The following BNIP5 variants were observed in gnomAD, a reference collection of about 807,000 sequenced individuals.
BNIP5 encodes protein BNIP5.
A neutral mutation model predicts 67.3 loss-of-function variants in BNIP5; 61 were observed. That is an observed-to-expected ratio of 0.91 (90% CI 0.74 to 1.12). The LOEUF (loss-of-function observed/expected upper bound fraction) is 1.12, where lower values mean the gene tolerates loss of function less well. BNIP5 is among the 50% of genes most tolerant of loss of function. The pLI is 0.00. For synonymous variants in BNIP5, 317 were observed against 319.0 expected, an observed-to-expected ratio of 0.99 and a Z score of 0.07; for missense variants, 826 against 816.3, an observed-to-expected ratio of 1.01 and a Z score of -0.14.
At chr6:36,335,901 C>A (rs548705909) in intron 1 of BNIP5, among the ~76,000 whole-genome samples, 9 of 152,344 alleles carry the variant, frequency 5.9e-5, no homozygotes, top group Non-Finnish European at 1.0e-4. Context: ...CACGCACTTA[C>A]ACATGGACTT....
chr6:36,333,580 C>T lies in BNIP5; in HGVS notation c.-4-2886G>A, dbSNP rs553155466. On this transcript the variant is annotated intron_variant, in intron 1 of 11. Coordinates refer to ENST00000437635, the MANE Select transcript of BNIP5 (RefSeq NM_001010903.5). ...TCTGCACCAGAAATTATGCTCAGTG[C>T]TAGGGATACAATCATGAACAAGATG... 2.6e-5 allele frequency among the ~76,000 whole-genome samples: 4 copies of T among 152,308 alleles called. No individual in the cohort carries two copies. In the South Asian group the frequency reaches 8.3e-4, roughly 32 times the overall value.
intron 10 of BNIP5, among the ~76,000 whole-genome samples, chr6:36,319,977 G>A (rs1291269696): frequency 6.6e-6 from 1 of 152,202 alleles, no homozygotes; most frequent in Non-Finnish European, 1.5e-5. Context: ...CTTACTATGT[G>A]TGTGAGCCTC....
intron 1 of BNIP5, among the ~76,000 whole-genome samples, chr6:36,333,336 G>A (rs536323968): frequency 2.0e-5 from 3 of 152,290 alleles, no homozygotes; most frequent in Admixed American, 6.5e-5. Flanking sequence ...GTTGTTTAAT[G>A]TTCCTTAAAA....
At chr6:36,333,846 C>G (rs942592889) in intron 1 of BNIP5, among the ~76,000 whole-genome samples, 15 of 152,214 alleles carry the variant, frequency 9.9e-5, no homozygotes, top group Non-Finnish European at 1.8e-4. Flanking sequence ...TCTGCATTTT[C>G]CATATGTTCC....
At chr6:36,336,390 G>A (rs775009729) in intron 1 of BNIP5, among the ~76,000 whole-genome samples, 2 of 152,274 alleles carry the variant, frequency 1.3e-5, no homozygotes, top group Middle Eastern at 3.4e-3. Context: ...TGAGGCCCAA[G>A]GAAGTGAAGT....
At chr6:36,333,983 C>G (rs1582138902) in intron 1 of BNIP5, among the ~76,000 whole-genome samples, 1 of 152,224 alleles carries the variant, frequency 6.6e-6, no homozygotes. Flanking sequence ...TGGGACCCAT[C>G]GCACGGAGGA....
At position 36,325,429 on chromosome 6, in the gene BNIP5, G is replaced by T; in HGVS notation, c.1037-15C>A. 1 of 1,602,842 alleles carries T rather than the reference G, an allele frequency of 6.2e-7. No individual in the cohort carries two copies. The highest frequency in any genetic ancestry group is 1.3e-5 in the African/African-American group (1 of 74,256). The stretch of plus-strand genomic sequence containing the variant: ...TTCTTCCAAGCCTGAGAAGCAGAAG[G>T]AGAACGAGGGTGTGTTTTGTCTGTC... On this transcript the variant is annotated splice_polypyrimidine_tract_variant and intron_variant, in intron 5 of 11. Coordinates refer to ENST00000437635, the MANE Select transcript of BNIP5 (RefSeq NM_001010903.5).
Position 36,324,192 on chromosome 6 carries a change from T to C in BNIP5, c.1169-2A>G, listed in dbSNP as rs758927618. The C allele has an allele frequency of 2.5e-6, 4 of 1,613,188 alleles. No homozygotes were observed. The highest frequency in any genetic ancestry group is 3.4e-6 in the Non-Finnish European group (4 of 1,179,290). ...AAATGATCTTCTGAATGAATTCTTC[T>C]GAAAAAGATCAACACGCATGGTTAA... On this transcript the variant is annotated splice_acceptor_variant, in intron 6 of 11. Transcript: ENST00000437635. LOFTEE classifies it high-confidence loss of function.
Position 36,328,583 on chromosome 6 carries a change from G to C in BNIP5, c.727+15C>G. ...TCAGCCACAGGCAAAAAGGTCACTA[G>C]AGATTCCGACTCACGGTCAGGCTTT... On this transcript the variant is annotated intron_variant, in intron 3 of 11. Coordinates refer to ENST00000437635, the MANE Select transcript of BNIP5 (RefSeq NM_001010903.5). 3 of 1,548,288 alleles carry C rather than the reference G, an allele frequency of 1.9e-6. No homozygotes were observed. Among genetic ancestry groups the C allele is most frequent in the Non-Finnish European group, 2.7e-6 (3 of 1,119,918 alleles).
At chr6:36,322,550 C>T in intron 8 of BNIP5, 108 bp from the exon 9 acceptor site, 1 of 1,247,890 alleles carries the variant, frequency 8.0e-7, no homozygotes, top group Non-Finnish European at 1.1e-6. Context: ...TTCCAGGCTC[C>T]TCGGTGAGTT....
chr6:36,325,771 C>T (rs113131328), intron 5 of BNIP5, among the ~76,000 whole-genome samples: 8 of 152,270 alleles, frequency 5.3e-5, no homozygotes, highest in African/African-American at 1.9e-4. Context: ...GCCTGAAATT[C>T]CCCTCTTTGG....
rs144774535 is a variant in BNIP5 at position 36,323,362 on chromosome 6, G to A, written c.1402C>T (p.Arg468Ter). ...AAGAASPEAR[R>*]PKRPSFLPLC... ...GGCAGAAAGCTGGGCCTCTTGGGTC[G>A]TCGGGCCTCTGGGCTGGCAGCCCCT... Residue 468 changes from arginine to a stop codon, truncating the protein, a stop_gained, in exon 8 of 12, where the codon CGA becomes TGA. Transcript: ENST00000437635. LOFTEE classifies it high-confidence loss of function. The A allele has an allele frequency of 4.5e-5, 72 of 1,614,274 alleles. No individual in the cohort carries two copies. The highest frequency in any genetic ancestry group is 1.6e-4 in the South Asian group (15 of 91,092).
Position 36,322,369 on chromosome 6 carries a change from G to C in BNIP5, c.1545C>G (p.Ser515=). 6.2e-7 allele frequency: 1 copy of C among 1,614,150 alleles called. No homozygotes were observed. Residue 515 remains serine, a synonymous_variant, in exon 9 of 12, where the codon TCC becomes TCG. Coordinates refer to ENST00000437635, the MANE Select transcript of BNIP5 (RefSeq NM_001010903.5). The part of the protein sequence containing the change: ...GEPVVISEAP[S]QARGHTPEGA... ...CTTCTGGCGTGTGGCCTCTAGCCTG[G>C]GAGGGTGCTTCTGAGATCACAACTG...
chr6:36,321,319 C>T, intron 9 of BNIP5, 100 bp from the exon 10 acceptor site: 1 of 835,998 alleles, frequency 1.2e-6, no homozygotes, highest in Non-Finnish European at 2.0e-6. Flanking sequence ...CTGTGAAAGA[C>T]AATATTTTCT....
intron 11 of BNIP5, among the ~76,000 whole-genome samples, chr6:36,318,081 C>T (rs959625222): frequency 7.2e-5 from 11 of 152,166 alleles, no homozygotes; most frequent in Admixed American, 5.9e-4. Context: ...ATTTGAATGA[C>T]AAGATACAAC....
chr6:36,326,174 C>T (rs1771756602), intron 5 of BNIP5, among the ~76,000 whole-genome samples: 2 of 152,198 alleles, frequency 1.3e-5, no homozygotes, highest in Admixed American at 1.3e-4. Context: ...TCCTGCCTCC[C>T]CTGCTCCAGC....
In BNIP5 at chr6:36,318,456, C is replaced by T. The variant is rs1275121697; in HGVS notation, c.1923+900G>A. ...GCTGTGGTGGCTCATGCCTGTAATC[C>T]CAGCACTTTGGGAGGCCAAGGTGGG... On this transcript the variant is annotated intron_variant, in intron 11 of 11. Coordinates refer to ENST00000437635, the MANE Select transcript of BNIP5 (RefSeq NM_001010903.5). Among the ~76,000 whole-genome samples, 11 of 151,898 alleles carry T rather than the reference C, an allele frequency of 7.2e-5. No individual in the cohort carries two copies. The East Asian group carries it at 2.1e-3, about 29-fold the overall frequency.
chr6:36,330,506 G>A lies in BNIP5; in HGVS notation c.185C>T (p.Pro62Leu), dbSNP rs766852099. 4.3e-6 allele frequency: 7 copies of A among 1,614,010 alleles called. No individual in the cohort carries two copies. In the East Asian group the frequency reaches 8.9e-5, roughly 21 times the overall value. Residue 62 changes from proline to leucine, a missense_variant, in exon 2 of 12, where the codon CCA (proline) becomes CTA (leucine). Transcript: ENST00000437635. The part of the protein sequence containing the change: ...TSDWARHSDS[P>L]APSAEAHCTT... ...GCAGTGAGCCTCTGCAGATGGAGCT[G>A]GGCTGTCTGAATGTCTGGCCCAATC...
chr6:36,329,336 TC>T (rs921125975), intron 2 of BNIP5, among the ~76,000 whole-genome samples: 18 of 152,246 alleles, frequency 1.2e-4, no homozygotes, highest in African/African-American at 4.3e-4. Flanking sequence ...CTAAGCACTT[TC>T]CTTGTGGGCT....
Sources: gnomAD v4.1 joint callset for allele counts (sites outside exome capture counted in the v4.1 genomes callset) on GRCh38, gnomAD v4.1.1 for gene constraint, MANE v1.5 for transcripts, NCBI Gene and HGNC (gene_info 2026-07-23, HGNC 2026-07-21) for gene names.